Variants in OR1J2 observed in about 807,000 individuals in gnomAD.
The protein encoded by OR1J2 is olfactory receptor family 1 subfamily J member 2, also known as olfactory receptor 1J2.
For synonymous variants in OR1J2, 142 were observed against 99.7 expected, an observed-to-expected ratio of 1.42 and a Z score of -2.52; for missense variants, 304 against 246.1, an observed-to-expected ratio of 1.24 and a Z score of -1.57.
At chr9:122,459,728 T>C in the OR1J2 span, among the ~76,000 whole-genome samples, 146 of 152,264 alleles carry the variant, frequency 9.6e-4, no homozygotes, top group African/African-American at 3.2e-3. Context: ...TTTGGGGGAA[T>C]TGGTGGTGTT....
chr9:122,515,529 G>A (rs535485494), downstream of OR1J2, among the ~76,000 whole-genome samples: 13 of 151,928 alleles, frequency 8.6e-5, no homozygotes, highest in Admixed American at 6.5e-4. Context: ...ATGAGGGATA[G>A]GGCCAGCTGG....
At chr9:122,566,397 C>G in the OR1J2 span, among the ~76,000 whole-genome samples, 1 of 152,190 alleles carries the variant, frequency 6.6e-6, no homozygotes, top group Non-Finnish European at 1.5e-5. Flanking sequence ...CCCTGCCCTT[C>G]CATTCTTACC....
the OR1J2 span, among the ~76,000 whole-genome samples, chr9:122,564,422 G>C: frequency 3.9e-5 from 6 of 152,164 alleles, no homozygotes; most frequent in Non-Finnish European, 8.8e-5. Context: ...ATTATGATGG[G>C]AAAGGCCAAA....
At chr9:122,577,694 A>G in the OR1J2 span, among the ~76,000 whole-genome samples, 1 of 152,252 alleles carries the variant, frequency 6.6e-6, no homozygotes, top group Admixed American at 6.5e-5. Flanking sequence ...AATGTAAAGT[A>G]TCACAATAAC....
At chr9:122,486,463 C>A in the OR1J2 span, among the ~76,000 whole-genome samples, 2 of 152,124 alleles carry the variant, frequency 1.3e-5, no homozygotes, top group African/African-American at 4.8e-5. Flanking sequence ...TGCCTGAGAG[C>A]ACTCAAGAAT....
At chr9:122,554,143 G>GAA in the OR1J2 span, 2 of 1,610,932 alleles carry the variant, frequency 1.2e-6, no homozygotes, top group African/African-American at 2.7e-5. Context: ...TTTGTCAGTG[G>GAA]AAAAACATTC....
At chr9:122,504,763 C>G in the OR1J2 span, among the ~76,000 whole-genome samples, 1 of 152,090 alleles carries the variant, frequency 6.6e-6, no homozygotes, top group Non-Finnish European at 1.5e-5. Context: ...GCTTTACAGT[C>G]TACCCTGTCT....
At chr9:122,579,574 A>C in the OR1J2 span, among the ~76,000 whole-genome samples, 1 of 152,212 alleles carries the variant, frequency 6.6e-6, no homozygotes, top group African/African-American at 2.4e-5. Flanking sequence ...TTCTTAGAGA[A>C]TACTAAGTAC....
the OR1J2 span, chr9:122,568,315 G>A: frequency 6.2e-6 from 10 of 1,614,026 alleles, no homozygotes; most frequent in Non-Finnish European, 7.6e-6. Flanking sequence ...GTCTGAAGAT[G>A]GGGGTTGAAG....
At chr9:122,552,744 G>T in the OR1J2 span, among the ~76,000 whole-genome samples, 1 of 146,568 alleles carries the variant, frequency 6.8e-6, no homozygotes, top group African/African-American at 2.5e-5. Context: ...CACAAAGAGG[G>T]CTTGAGTGTG....
At chr9:122,529,994 A>G in the OR1J2 span, among the ~76,000 whole-genome samples, 2 of 152,230 alleles carry the variant, frequency 1.3e-5, no homozygotes, top group African/African-American at 4.8e-5. Context: ...ATTAACTGAA[A>G]TGAGGGTACA....
At chr9:122,473,010 A>G in the OR1J2 span, among the ~76,000 whole-genome samples, 1 of 152,202 alleles carries the variant, frequency 6.6e-6, no homozygotes, top group Non-Finnish European at 1.5e-5. Context: ...TTCTCCCAAG[A>G]TGTTTGGATG....
At chr9:122,490,331 AAT>A in the OR1J2 span, among the ~76,000 whole-genome samples, 1 of 151,918 alleles carries the variant, frequency 6.6e-6, no homozygotes. Flanking sequence ...GGTGAGTGTA[AAT>A]ATATATATAT....
chr9:122,511,205 T>C lies in OR1J2; in HGVS notation c.404T>C (p.Ile135Thr), dbSNP rs1368223400. The change falls in exon 1 of 1, where the codon ATC becomes ACC. Residue 135 changes from isoleucine to threonine, a missense_variant. By Grantham distance (89) the Ile-to-Thr change is moderately conservative. Transcript: ENST00000335302. The part of the protein sequence containing the change: ...AICHPLHYTV[I>T]MREELCVFLV... Reference sequence around the variant, plus strand: ...TGTCACCCTCTCCACTACACTGTCATCATGAGGGAAGAGCTCTGTGTCTTC... The same window carrying C: ...TGTCACCCTCTCCACTACACTGTCACCATGAGGGAAGAGCTCTGTGTCTTC... The C allele has an allele frequency of 4.1e-6, 3 of 738,174 alleles. No individual in the cohort carries two copies. In the East Asian group the frequency reaches 7.3e-5, roughly 18 times the overall value. The allele number at this position is 738,174 out of a possible 1,614,324, so 45.7% of individuals were successfully genotyped here. A position where few individuals can be genotyped will look rare whatever the true frequency, so the allele number is the denominator to read the frequency against.
chr9:122,467,025 T>C, the OR1J2 span, among the ~76,000 whole-genome samples: 1 of 152,142 alleles, frequency 6.6e-6, no homozygotes, highest in Admixed American at 6.5e-5. Context: ...TTCACCTTGT[T>C]GGGCTTCAAA....
chr9:122,554,190 C>A, the OR1J2 span: 3 of 1,538,164 alleles, frequency 2.0e-6, no homozygotes, highest in Non-Finnish European at 2.7e-6. Context: ...GATGTCTAAT[C>A]TTGATCAACC....
chr9:122,567,691 G>A, the OR1J2 span: 10 of 1,614,108 alleles, frequency 6.2e-6, no homozygotes, highest in Non-Finnish European at 8.5e-6. Context: ...GTGGATGGGG[G>A]CTGTAAATAG....
the OR1J2 span, among the ~76,000 whole-genome samples, chr9:122,537,175 G>C: frequency 6.6e-6 from 1 of 152,242 alleles, no homozygotes; most frequent in Non-Finnish European, 1.5e-5. Context: ...AAAGGATCGT[G>C]ATTGATTTAA....
chr9:122,496,114 G>A, the OR1J2 span, among the ~76,000 whole-genome samples: 9 of 152,320 alleles, frequency 5.9e-5, no homozygotes, highest in Admixed American at 5.9e-4. Flanking sequence ...TTGACTGTGT[G>A]AGGGTCCTTG....
Sources: gnomAD v4.1 joint callset for allele counts (sites outside exome capture counted in the v4.1 genomes callset) on GRCh38, gnomAD v4.1.1 for gene constraint, MANE v1.5 for transcripts, NCBI Gene and HGNC (gene_info 2026-07-23, HGNC 2026-07-21) for gene names.